GUK1: variants seen among roughly 807,000 people sequenced by gnomAD.
GUK1 encodes the protein guanylate kinase 1.
GUK1 carries 18 observed loss-of-function variants against 25.2 expected under a neutral mutation model. The ratio of observed to expected loss-of-function variants is 0.71; its 90% confidence interval spans 0.49 to 1.06. The LOEUF (loss-of-function observed/expected upper bound fraction) is 1.06. Among genes scored for constraint, GUK1 ranks in the 50% least tolerant of loss-of-function variants. The pLI is 0.00. For synonymous variants in GUK1, 105 were observed against 117.6 expected, an observed-to-expected ratio of 0.89 and a Z score of 0.69; for missense variants, 261 against 276.7, an observed-to-expected ratio of 0.94 and a Z score of 0.40.
At position 228,147,718 on chromosome 1, in the gene GUK1, C is replaced by T. The variant is rs570280095; in HGVS notation, c.475+19C>T. 1.9e-6 allele frequency: 3 copies of T among 1,608,108 alleles called. No individual in the cohort carries two copies. The South Asian group carries it at 3.3e-5, about 18-fold the overall frequency. On this transcript the variant is annotated intron_variant, in intron 7 of 8. Transcript: ENST00000312726. ...GAGAGCAGTGAGTGTGCCGTGGGAT[C>T]ACCAGGGAATGCCAGGAGGGGAGTC...
At chr1:228,146,388 G>C (rs1359297275) in intron 4 of GUK1, 5 of 475,508 alleles carry the variant, frequency 1.1e-5, no homozygotes, top group Non-Finnish European at 1.9e-5. Flanking sequence ...GTCTTCTGGA[G>C]TCCTGGTAAA....
chr1:228,146,582 C>A, intron 4 of GUK1: 1 of 529,418 alleles, frequency 1.9e-6, no homozygotes, highest in Non-Finnish European at 3.4e-6. Flanking sequence ...CCCACCCCAT[C>A]ACCACCAACT....
chr1:228,142,096 G>T (rs900467995), intron 2 of GUK1, among the ~76,000 whole-genome samples: 1 of 152,226 alleles, frequency 6.6e-6, no homozygotes, highest in South Asian at 2.1e-4. Context: ...CCTGCCACTG[G>T]TCTCTCCCCA....
chr1:228,140,492 A>G (rs1005659026), intron 1 of GUK1, 129 bp downstream of exon 1: 5 of 693,404 alleles, frequency 7.2e-6, no homozygotes, highest in South Asian at 2.0e-5. Context: ...GCCGCATTCA[A>G]CTGTGGGCCC....
At chr1:228,144,244 AT>A (rs1224465863) in intron 2 of GUK1, 1 of 151,866 alleles carries the variant, frequency 6.6e-6, no homozygotes, top group African/African-American at 2.4e-5. Context: ...TAAATTGGGG[AT>A]TAGGAGGGCA....
In GUK1 at chr1:228,148,490, C is replaced by A. The variant is rs574202623; in HGVS notation, c.561+34C>A. The A allele has an allele frequency of 4.5e-5, 68 of 1,514,832 alleles. No homozygotes were observed. The East Asian group carries it at 1.5e-3, about 33-fold the overall frequency. The allele number at this position is 1,514,832 out of a possible 1,614,324, so 93.8% of individuals were successfully genotyped here. On this transcript the variant is annotated intron_variant, in intron 8 of 8. Transcript: ENST00000312726. ...ATCCTTGTGCCTACCTGGGCAAGGC[C>A]CAAGGGGAGGCCTGGGGGCCAGGCC...
chr1:228,145,342 G>A (rs2034308975), intron 2 of GUK1, 169 bp from the exon 2 acceptor site: 5 of 625,076 alleles, frequency 8.0e-6, no homozygotes, highest in South Asian at 2.5e-5. Flanking sequence ...CCCTTCCAAC[G>A]TGGCAGAGCT....
At chr1:228,140,425 T>C in intron 1 of GUK1, 62 bp downstream of exon 1, 1 of 1,223,228 alleles carries the variant, frequency 8.2e-7, no homozygotes, top group East Asian at 2.8e-5. Flanking sequence ...GTCCCTGCGC[T>C]TTGCGGTCGC....
chr1:228,144,737 G>T (rs745957468), intron 2 of GUK1: 49 of 985,040 alleles, frequency 5.0e-5, no homozygotes, highest in Non-Finnish European at 5.2e-5. Context: ...TACAGAGGCT[G>T]CACCTCAGCA....
intron 1 of GUK1, 66 bp downstream of exon 1, chr1:228,140,429 C>A: frequency 1.7e-6 from 2 of 1,182,394 alleles, no homozygotes; most frequent in Non-Finnish European, 2.3e-6. Flanking sequence ...CTGCGCTTTG[C>A]GGTCGCCCAG....
chr1:228,142,185 TCA>T (rs1314789309), intron 2 of GUK1, among the ~76,000 whole-genome samples: 2 of 152,260 alleles, frequency 1.3e-5, no homozygotes, highest in Non-Finnish European at 2.9e-5. Context: ...CCGCATCCAC[TCA>T]CTGTCTGCCC....
chr1:228,148,424 G>T lies in GUK1; in HGVS notation c.529G>T (p.Ala177Ser). The T allele has an allele frequency of 6.4e-7, 1 of 1,571,752 alleles. No homozygotes were observed. The highest frequency in any genetic ancestry group is 8.6e-7 in the Non-Finnish European group (1 of 1,156,094). The change falls in exon 8 of 9, where the codon GCC (alanine) becomes TCC (serine). Residue 177 changes from alanine (A) to serine (S), a missense_variant. Transcript: ENST00000312726. ...CATCATTAACGACAGCCTGGACCAG[G>T]CCTACGCAGAGCTGAAGGAGGCGCT...
Position 228,143,532 on chromosome 1 carries a change from G to A in GUK1, c.-2-1979G>A, listed in dbSNP as rs1372466296. Among the ~76,000 whole-genome samples the A allele has an allele frequency of 4.6e-5, 7 of 152,318 alleles. No homozygotes were observed. In the East Asian group the frequency reaches 1.3e-3, roughly 29 times the overall value. On this transcript the variant is annotated intron_variant, in intron 2 of 8. Coordinates refer to ENST00000312726, the MANE Select transcript of GUK1 (RefSeq NM_000858.7). ...AGAACTGTACCCCTTCCACCCTGGCGAGAAGCAGGGGCCAGAAATTCACAC... is the reference window on the plus strand; with the variant it reads ...AGAACTGTACCCCTTCCACCCTGGCAAGAAGCAGGGGCCAGAAATTCACAC...
Position 228,147,434 on chromosome 1 carries a change from A to T in GUK1, c.280A>T (p.Met94Leu). Residue 94 changes from methionine (M) to leucine (L), a missense_variant, in exon 6 of 9, where the codon ATG becomes TTG. Transcript: ENST00000312726. The stretch of plus-strand genomic sequence containing the variant: ...GGTGGCGGTGCAGGCCGTGCAGGCC[A>T]TGAACCGCATCTGTGTGCTGGACGT... 1 of 1,612,536 alleles carries T rather than the reference A, an allele frequency of 6.2e-7. No homozygotes were observed. The highest frequency in any genetic ancestry group is 8.5e-7 in the Non-Finnish European group (1 of 1,179,824).
At chr1:228,143,132 T>G (rs987581266) in intron 2 of GUK1, among the ~76,000 whole-genome samples, 1 of 152,144 alleles carries the variant, frequency 6.6e-6, no homozygotes, top group Non-Finnish European at 1.5e-5. Flanking sequence ...CTGTGTTTCC[T>G]TCTGTGTGGG....
intron 2 of GUK1, chr1:228,141,308 C>T (rs2034029759): frequency 1.8e-5 from 17 of 967,538 alleles, no homozygotes; most frequent in Non-Finnish European, 2.1e-5. Context: ...TGTTCCTGTC[C>T]CCCCCGGGGA....
At chr1:228,146,614 A>G (rs1411387741) in intron 4 of GUK1, 4 of 559,902 alleles carry the variant, frequency 7.1e-6, no homozygotes, top group Non-Finnish European at 1.3e-5. Context: ...ACTGGAACCC[A>G]GCAGTCTCGT....
chr1:228,145,787 C>G, intron 3 of GUK1, 163 bp downstream of exon 2: 1 of 839,830 alleles, frequency 1.2e-6, no homozygotes, highest in South Asian at 1.7e-5. Flanking sequence ...GGTTATCACA[C>G]TCCTGCTGTC....
intron 1 of GUK1, among the ~76,000 whole-genome samples, chr1:228,140,763 C>T (rs1479036650): frequency 1.3e-5 from 2 of 152,240 alleles, no homozygotes; most frequent in Admixed American, 6.5e-5. Flanking sequence ...GGGTCCTGGG[C>T]GGATGGAGCC....
Sources: allele counts gnomAD v4.1 joint callset (sites outside exome capture counted in the v4.1 genomes callset), GRCh38; gene constraint gnomAD v4.1.1; transcripts MANE v1.5; gene names NCBI Gene and HGNC (gene_info 2026-07-23, HGNC 2026-07-21).